Variants in ZNF804B observed in about 807,000 individuals in gnomAD.
ZNF804B encodes the protein zinc finger 804B.
A neutral mutation model predicts 101.4 loss-of-function variants in ZNF804B; 80 were observed. That is an observed-to-expected ratio of 0.79 (90% CI 0.66 to 0.95). The LOEUF is 0.95. ZNF804B is among the 40% of genes least tolerant of loss of function. The pLI is 0.00. For synonymous variants in ZNF804B, 622 were observed against 558.8 expected, an observed-to-expected ratio of 1.11 and a Z score of -1.59; for missense variants, 1,673 against 1,561.9, an observed-to-expected ratio of 1.07 and a Z score of -1.20.
chr7:89,189,349 G>A (rs1397684974), intron 1 of ZNF804B, among the ~76,000 whole-genome samples: 2 of 152,088 alleles, frequency 1.3e-5, no homozygotes, highest in Non-Finnish European at 2.9e-5. Context: ...TGTATAAGGA[G>A]ACTGTTGACC....
chr7:89,065,100 C>A (rs779718506), intron 1 of ZNF804B, among the ~76,000 whole-genome samples: 1 of 152,142 alleles, frequency 6.6e-6, no homozygotes, highest in Non-Finnish European at 1.5e-5. Context: ...AGAAATACTT[C>A]CATGAGCCAC....
chr7:89,314,711 G>T (rs1584120433), intron 2 of ZNF804B, among the ~76,000 whole-genome samples: 2 of 152,186 alleles, frequency 1.3e-5, no homozygotes, highest in African/African-American at 4.8e-5. Context: ...GAGTAACTTT[G>T]CAAGAGGCTC....
intron 1 of ZNF804B, among the ~76,000 whole-genome samples, chr7:89,152,136 T>C (rs1790886788): frequency 1.3e-5 from 2 of 152,170 alleles, no homozygotes; most frequent in African/African-American, 4.8e-5. Flanking sequence ...TGGATTTGGC[T>C]TACCATCTTT....
chr7:89,217,516 C>G (rs1469088386), intron 1 of ZNF804B, among the ~76,000 whole-genome samples: 1 of 152,130 alleles, frequency 6.6e-6, no homozygotes, highest in Non-Finnish European at 1.5e-5. Flanking sequence ...CACTATTATT[C>G]TATAATCAAA....
intron 1 of ZNF804B, among the ~76,000 whole-genome samples, chr7:89,177,782 G>C (rs527693849): frequency 8.6e-5 from 13 of 152,000 alleles, no homozygotes; most frequent in Admixed American, 7.9e-4. Context: ...GGCCAGGTGC[G>C]TTGCTCACGC....
intron 1 of ZNF804B, among the ~76,000 whole-genome samples, chr7:89,134,270 G>A (rs190857923): frequency 1.5e-4 from 23 of 152,190 alleles, no homozygotes; most frequent in Non-Finnish European, 2.4e-4. Flanking sequence ...TTAGGTGAAA[G>A]TTGTTGATAA....
At chr7:89,195,092 A>T (rs1338860630) in intron 1 of ZNF804B, among the ~76,000 whole-genome samples, 1 of 151,648 alleles carries the variant, frequency 6.6e-6, no homozygotes. Flanking sequence ...CAAAAACCAC[A>T]TGATTATCTC....
intron 1 of ZNF804B, among the ~76,000 whole-genome samples, chr7:88,850,518 C>A (rs778287109): frequency 6.6e-6 from 1 of 152,084 alleles, no homozygotes; most frequent in Non-Finnish European, 1.5e-5. Flanking sequence ...GGGAATAGTC[C>A]TATTTCCATC....
intron 1 of ZNF804B, among the ~76,000 whole-genome samples, chr7:89,171,310 C>G (rs1307420228): frequency 8.7e-6 from 1 of 115,496 alleles, no homozygotes; most frequent in African/African-American, 3.3e-5. Flanking sequence ...TCTTCTTCTT[C>G]TTCTTCTTCT....
At chr7:89,079,868 A>C (rs1789670423) in intron 1 of ZNF804B, among the ~76,000 whole-genome samples, 1 of 152,016 alleles carries the variant, frequency 6.6e-6, no homozygotes, top group Non-Finnish European at 1.5e-5. Flanking sequence ...AGGGAGCAGC[A>C]AGAGGCCCAT....
chr7:89,221,238 A>G (rs1392613002), intron 2 of ZNF804B, among the ~76,000 whole-genome samples: 1 of 151,946 alleles, frequency 6.6e-6, no homozygotes, highest in African/African-American at 2.4e-5. Context: ...TACCCCTGCT[A>G]CATATATTAG....
At chr7:89,072,481 C>G (rs899720534) in intron 1 of ZNF804B, among the ~76,000 whole-genome samples, 2 of 152,158 alleles carry the variant, frequency 1.3e-5, no homozygotes, top group Admixed American at 6.5e-5. Context: ...ATTTGGATAT[C>G]TGATATAGTA....
chr7:88,884,805 A>G (rs572757226), intron 1 of ZNF804B, among the ~76,000 whole-genome samples: 1 of 152,024 alleles, frequency 6.6e-6, no homozygotes, highest in African/African-American at 2.4e-5. Flanking sequence ...ACATCCTTAT[A>G]TAGATAATTT....
intron 2 of ZNF804B, among the ~76,000 whole-genome samples, chr7:89,273,100 T>A (rs1313293436): frequency 6.6e-6 from 1 of 152,134 alleles, no homozygotes; most frequent in Non-Finnish European, 1.5e-5. Context: ...TGTAATCAAT[T>A]TTTATAACAA....
chr7:88,951,731 C>T lies in ZNF804B; in HGVS notation c.108+191647C>T, dbSNP rs539029537. Among the ~76,000 whole-genome samples, 42 of 151,928 alleles carry T rather than the reference C, an allele frequency of 2.8e-4. No homozygotes were observed. In the South Asian group the frequency reaches 8.5e-3, roughly 31 times the overall value. ...GGAGATGAGCAAAATGACCATCAGACACTCACCAATTGCACTGAACTCAAA... is the reference window on the plus strand; with the variant it reads ...GGAGATGAGCAAAATGACCATCAGATACTCACCAATTGCACTGAACTCAAA... On this transcript the variant is annotated intron_variant, in intron 1 of 3. Transcript: ENST00000333190.
At chr7:89,022,292 C>A (rs532018397) in intron 1 of ZNF804B, among the ~76,000 whole-genome samples, 1 of 152,128 alleles carries the variant, frequency 6.6e-6, no homozygotes, top group African/African-American at 2.4e-5. Context: ...GGATGAGTGT[C>A]ATGTGCCTCT....
chr7:89,037,203 C>A (rs1053760206), intron 1 of ZNF804B, among the ~76,000 whole-genome samples: 1 of 151,956 alleles, frequency 6.6e-6, no homozygotes, highest in Non-Finnish European at 1.5e-5. Flanking sequence ...AGTTGACCTG[C>A]CAGAATGAGT....
chr7:88,974,941 A>G (rs1437351373), intron 1 of ZNF804B, among the ~76,000 whole-genome samples: 1 of 151,314 alleles, frequency 6.6e-6, no homozygotes, highest in Non-Finnish European at 1.5e-5. Context: ...GACTTTTCCC[A>G]GCTTCTTGTA....
chr7:88,835,526 TA>T (rs1264873036), intron 1 of ZNF804B, among the ~76,000 whole-genome samples: 1 of 151,870 alleles, frequency 6.6e-6, no homozygotes, highest in Non-Finnish European at 1.5e-5. Context: ...GGCCAATGGA[TA>T]AAAATGTAAG....
Sources: allele counts gnomAD v4.1 joint callset (sites outside exome capture counted in the v4.1 genomes callset), GRCh38; gene constraint gnomAD v4.1.1; transcripts MANE v1.5; gene names NCBI Gene and HGNC (gene_info 2026-07-23, HGNC 2026-07-21).